SLC13A3: variants seen among roughly 807,000 people sequenced by gnomAD.
The protein encoded by SLC13A3 is solute carrier family 13 member 3, also known as Na(+)/dicarboxylate cotransporter 3.
A neutral mutation model predicts 59.0 loss-of-function variants in SLC13A3; 40 were observed. The observed-to-expected ratio is 0.68, with a 90% CI of 0.53 to 0.88. SLC13A3 has a LOEUF of 0.88. Ranked by LOEUF, SLC13A3 falls within the 40% of genes least tolerant of loss-of-function variation. SLC13A3 has a pLI of 0.00. For missense variants in SLC13A3, 699 were observed against 783.2 expected (o/e 0.89, Z 1.28); for synonymous variants, 317 against 330.3 (o/e 0.96, Z 0.44).
chr20:46,581,786 G>T, intron 9 of SLC13A3, among the ~76,000 whole-genome samples: 1 of 152,154 alleles, frequency 6.6e-6, no homozygotes, highest in Non-Finnish European at 1.5e-5. Context: ...AACTATAAAG[G>T]TGCAAAACCT....
chr20:46,577,297 G>A (rs2062089356), intron 9 of SLC13A3, among the ~76,000 whole-genome samples: 1 of 151,926 alleles, frequency 6.6e-6, no homozygotes, highest in East Asian at 1.9e-4. Flanking sequence ...GGTGTATGTA[G>A]CCCACAGGTG....
At chr20:46,564,760 G>A (rs2061965040) in intron 11 of SLC13A3, among the ~76,000 whole-genome samples, 4 of 152,206 alleles carry the variant, frequency 2.6e-5, no homozygotes, top group Non-Finnish European at 4.4e-5. Context: ...ATCAATGAAT[G>A]CATAGACAAG....
rs116857511 is a variant in SLC13A3 at position 46,608,554 on chromosome 20, C to T, written c.541+1892G>A. Among the ~76,000 whole-genome samples the T allele has an allele frequency of 7.2e-4, 110 of 152,318 alleles. 1 individual carries two copies. The highest frequency in any genetic ancestry group is 1.1e-3 in the Non-Finnish European group (77 of 68,030). ...AATGCTATGATCCTCAACACATCAT[C>T]TCACCTCTCCAAACTTCATCTGTAA... On this transcript the variant is annotated intron_variant, in intron 3 of 12. Transcript: ENST00000279027.
At position 46,643,206 on chromosome 20, in the gene SLC13A3, G is replaced by A. The variant is rs186885233; in HGVS notation, c.111+8105C>T. ...TACCCCATGGGTGGGAAGGGGGGAA[G>A]GGGGTTAATATAGATAATGCACCAG... On this transcript the variant is annotated intron_variant, in intron 1 of 12. Coordinates refer to ENST00000279027, the MANE Select transcript of SLC13A3 (RefSeq NM_022829.6). Among the ~76,000 whole-genome samples, 71 of 152,232 alleles carry A rather than the reference G, an allele frequency of 4.7e-4. 1 individual carries two copies. The highest frequency in any genetic ancestry group is 2.6e-4 in the Admixed American group (4 of 15,294).
At chr20:46,655,843 A>G (rs2062982836), upstream of SLC13A3, among the ~76,000 whole-genome samples, 1 of 137,826 alleles carries the variant, frequency 7.3e-6, no homozygotes, top group Non-Finnish European at 1.6e-5. Flanking sequence ...AGTATATATT[A>G]TACTGTATAT....
upstream of SLC13A3, among the ~76,000 whole-genome samples, chr20:46,655,060 G>A (rs1369845698): frequency 2.0e-5 from 3 of 151,916 alleles, no homozygotes; most frequent in Non-Finnish European, 4.4e-5. Flanking sequence ...CCATAGGTAA[G>A]GTTCATTTCT....
upstream of SLC13A3, among the ~76,000 whole-genome samples, chr20:46,653,414 G>T (rs919729461): frequency 6.6e-6 from 1 of 152,052 alleles, no homozygotes; most frequent in Non-Finnish European, 1.5e-5. Context: ...TCTGTTTCTG[G>T]TTGGGCCAGT....
chr20:46,612,205 C>T (rs994839843), intron 2 of SLC13A3, among the ~76,000 whole-genome samples: 1 of 131,160 alleles, frequency 7.6e-6, no homozygotes, highest in African/African-American at 2.9e-5. Context: ...GATCTTGGCT[C>T]ACTGCAACAT....
chr20:46,679,322 C>T (rs1186532254), intron 1 of SLC13A3, among the ~76,000 whole-genome samples: 2 of 152,096 alleles, frequency 1.3e-5, no homozygotes, highest in East Asian at 1.9e-4. Context: ...TTTGGGAGGC[C>T]GAGGCAGGCA....
chr20:46,651,238 C>T, intron 1 of SLC13A3, 73 bp downstream of exon 1: 3 of 1,405,560 alleles, frequency 2.1e-6, no homozygotes, highest in Non-Finnish European at 2.8e-6. Flanking sequence ...CAGCGGTCTC[C>T]CAACTTGGAG....
intron 5 of SLC13A3, among the ~76,000 whole-genome samples, chr20:46,595,841 C>T (rs544089732): frequency 2.4e-4 from 37 of 152,290 alleles, no homozygotes; most frequent in Admixed American, 1.8e-3. Flanking sequence ...TCAGAGAGAA[C>T]GGGTGTCCTT....
At chr20:46,588,285 G>T in intron 7 of SLC13A3, 122 bp from the exon 8 acceptor site, 1 of 576,772 alleles carries the variant, frequency 1.7e-6, no homozygotes, top group Non-Finnish European at 3.1e-6. Context: ...TGAGAAAGCT[G>T]AAGTCATCCA....
chr20:46,617,223 T>C (rs2062564849), intron 1 of SLC13A3, among the ~76,000 whole-genome samples: 1 of 152,194 alleles, frequency 6.6e-6, no homozygotes, highest in Non-Finnish European at 1.5e-5. Flanking sequence ...CATTCATCCA[T>C]CCATTTAGCA....
At chr20:46,571,959 T>A (rs970945971) in intron 10 of SLC13A3, among the ~76,000 whole-genome samples, 4 of 151,958 alleles carry the variant, frequency 2.6e-5, no homozygotes, top group Non-Finnish European at 5.9e-5. Flanking sequence ...GAGAGGTAGG[T>A]GCCAATGTTG....
chr20:46,582,211 C>A (rs2062145791), intron 9 of SLC13A3, among the ~76,000 whole-genome samples: 1 of 152,128 alleles, frequency 6.6e-6, no homozygotes, highest in Non-Finnish European at 1.5e-5. Flanking sequence ...GCAGCTTTGA[C>A]CTGCCAGGCT....
chr20:46,585,317 T>C, intron 8 of SLC13A3: 1 of 995,600 alleles, frequency 1.0e-6, no homozygotes, highest in Non-Finnish European at 1.2e-6. Flanking sequence ...CTCTGGGCAG[T>C]GGGACATAAA....
At chr20:46,645,496 T>C (rs536621345) in intron 1 of SLC13A3, among the ~76,000 whole-genome samples, 1 of 152,304 alleles carries the variant, frequency 6.6e-6, no homozygotes, top group Non-Finnish European at 1.5e-5. Context: ...TCAGTCAACC[T>C]CAGCATCCCC....
At chr20:46,608,034 AG>A (rs1270805201) in intron 3 of SLC13A3, among the ~76,000 whole-genome samples, 1 of 152,162 alleles carries the variant, frequency 6.6e-6, no homozygotes, top group Non-Finnish European at 1.5e-5. Flanking sequence ...AATGGGGAAA[AG>A]GGCAGAGTCC....
chr20:46,583,755 A>G, intron 8 of SLC13A3, 86 bp from the exon 9 acceptor site: 1 of 1,559,734 alleles, frequency 6.4e-7, no homozygotes, highest in South Asian at 1.2e-5. Context: ...GATTTGTGGA[A>G]GGGAATTAGG....
Sources: allele counts gnomAD v4.1 joint callset (sites outside exome capture counted in the v4.1 genomes callset), GRCh38; gene constraint gnomAD v4.1.1; transcripts MANE v1.5; gene names NCBI Gene and HGNC (gene_info 2026-07-23, HGNC 2026-07-21).